The following XPR1 variants were observed in gnomAD, a reference collection of about 807,000 sequenced individuals.
XPR1 encodes xenotropic and polytropic retrovirus receptor 1.
Under a neutral mutation model 87.5 loss-of-function variants are expected in XPR1, and 28 were observed. The observed-to-expected ratio is 0.32, with a 90% CI of 0.24 to 0.44. The LOEUF (loss-of-function observed/expected upper bound fraction) is 0.44, where lower values mean the gene tolerates loss of function less well. Among genes scored for constraint, XPR1 ranks in the 20% least tolerant of loss-of-function variants. XPR1 has a pLI of 1.00. For missense variants in XPR1, 559 were observed against 862.3 expected (o/e 0.65, Z 4.41); for synonymous variants, 300 against 306.1 (o/e 0.98, Z 0.21).
In XPR1 at chr1:180,880,065, A is replaced by C; in HGVS notation, c.1809-11A>C. ...TTTCATAAGTACTTTGATCTACCCC[A>C]TTTTGCTAAGGCGATTTGTGTGGAA... On this transcript the variant is annotated splice_polypyrimidine_tract_variant and intron_variant, in intron 13 of 14. Coordinates refer to ENST00000367590, the MANE Select transcript of XPR1 (RefSeq NM_004736.4). 6.2e-7 allele frequency: 1 copy of C among 1,614,126 alleles called. No homozygotes were observed. The highest frequency in any genetic ancestry group is 8.5e-7 in the Non-Finnish European group (1 of 1,179,990).
At chr1:180,765,081 G>A (rs1326919613) in intron 2 of XPR1, among the ~76,000 whole-genome samples, 2 of 152,098 alleles carry the variant, frequency 1.3e-5, no homozygotes, top group Non-Finnish European at 1.5e-5. Context: ...TACCGCGCTC[G>A]GCCCTTATGG....
At chr1:180,697,508 G>C (rs940401732) in intron 2 of XPR1, among the ~76,000 whole-genome samples, 5 of 151,626 alleles carry the variant, frequency 3.3e-5, no homozygotes, top group African/African-American at 1.2e-4. Context: ...GGTTTGGCTT[G>C]TTCTTGCTTT....
intron 13 of XPR1, among the ~76,000 whole-genome samples, chr1:180,875,005 C>T (rs571311726): frequency 9.9e-5 from 15 of 152,268 alleles, no homozygotes; most frequent in South Asian, 4.1e-4. Flanking sequence ...GAATGACATA[C>T]GTAGAGAACT....
intron 2 of XPR1, among the ~76,000 whole-genome samples, chr1:180,780,680 A>G (rs1268313384): frequency 6.7e-6 from 1 of 148,946 alleles, no homozygotes; most frequent in Non-Finnish European, 1.5e-5. Flanking sequence ...AGGCAGGAGA[A>G]TGGCGTGAAC....
At chr1:180,806,310 C>T in intron 5 of XPR1, 99 bp downstream of exon 5, 1 of 1,531,634 alleles carries the variant, frequency 6.5e-7, no homozygotes, top group Non-Finnish European at 8.9e-7. Flanking sequence ...TAGTTGCTAG[C>T]TTTGAATATA....
At chr1:180,764,993 G>A (rs1326964964) in intron 2 of XPR1, among the ~76,000 whole-genome samples, 1 of 148,894 alleles carries the variant, frequency 6.7e-6, no homozygotes, top group East Asian at 2.0e-4. Context: ...CACTGTTTTA[G>A]CCAGGATGGT....
chr1:180,769,596 T>C (rs1648427316), intron 2 of XPR1, among the ~76,000 whole-genome samples: 1 of 152,150 alleles, frequency 6.6e-6, no homozygotes, highest in East Asian at 1.9e-4. Flanking sequence ...CCATCCATGT[T>C]GTTGCAAATG....
In XPR1 at chr1:180,808,019, AAGGCAGAGGACCT is replaced by A. The variant is rs759058183; in HGVS notation, c.681+1465_681+1477del. ...CTCCAAAAAAAGAAAAGTATATGGA[AAGGCAGAGGACCT>A]AGAATAGCCAAAGCAACTTTGGAAC... On this transcript the variant is annotated intron_variant, in intron 6 of 14. Coordinates refer to ENST00000367590, the MANE Select transcript of XPR1 (RefSeq NM_004736.4). 6.6e-5 allele frequency among the ~76,000 whole-genome samples: 10 copies of A among 152,202 alleles called. No individual in the cohort carries two copies. The South Asian group carries it at 1.0e-3, about 16-fold the overall frequency.
At chr1:180,759,535 G>A (rs894625857) in intron 2 of XPR1, among the ~76,000 whole-genome samples, 3 of 152,074 alleles carry the variant, frequency 2.0e-5, no homozygotes, top group Non-Finnish European at 2.9e-5. Context: ...TAAATTCCTC[G>A]ACACATACAC....
At chr1:180,844,808 C>T (rs1447040444) in intron 11 of XPR1, among the ~76,000 whole-genome samples, 1 of 152,178 alleles carries the variant, frequency 6.6e-6, no homozygotes, top group African/African-American at 2.4e-5. Flanking sequence ...GGGGAAACTT[C>T]ACATGGCACT....
At chr1:180,792,002 G>A (rs1649408145) in intron 3 of XPR1, among the ~76,000 whole-genome samples, 1 of 152,212 alleles carries the variant, frequency 6.6e-6, no homozygotes, top group Non-Finnish European at 1.5e-5. Flanking sequence ...CAAATTGGTA[G>A]TCTCTAGAGT....
chr1:180,661,476 CGTGTGTGT>C (rs60527318), intron 1 of XPR1, among the ~76,000 whole-genome samples: 48,061 of 142,200 alleles, frequency 0.34, 8,233 homozygotes, highest in Non-Finnish European at 0.36. Flanking sequence ...TTTAATTTTT[CGTGTGTGT>C]GTGTGTGTGT....
intron 1 of XPR1, among the ~76,000 whole-genome samples, chr1:180,656,435 TTATATATAAATATTTATATATTTA>T: frequency 1.0e-4 from 1 of 10,030 alleles, no homozygotes; most frequent in Non-Finnish European, 2.5e-4. Flanking sequence ...ATTTATATAT[TTATATATAAATATTTATATATTTA>T]TATATAATAT....
At chr1:180,826,952 A>G (rs561400064) in intron 9 of XPR1, among the ~76,000 whole-genome samples, 1 of 151,896 alleles carries the variant, frequency 6.6e-6, no homozygotes, top group East Asian at 1.9e-4. Context: ...TCCGGAGTTC[A>G]AGACCAGCCT....
chr1:180,866,774 T>C (rs996787689), intron 12 of XPR1, among the ~76,000 whole-genome samples: 9 of 141,860 alleles, frequency 6.3e-5, no homozygotes, highest in Admixed American at 1.4e-4. Flanking sequence ...AATCAAGATA[T>C]AACACTATAC....
At chr1:180,840,220 ACT>A (rs1403299878) in intron 11 of XPR1, among the ~76,000 whole-genome samples, 2 of 84,456 alleles carry the variant, frequency 2.4e-5, no homozygotes, top group Non-Finnish European at 4.5e-5. Flanking sequence ...ACAGAGCGAG[ACT>A]CTGTCTCAAA....
intron 11 of XPR1, among the ~76,000 whole-genome samples, chr1:180,845,207 A>T (rs1533422): frequency 0.34 from 51,486 of 152,006 alleles, 9,098 homozygotes; most frequent in Non-Finnish European, 0.38. Flanking sequence ...GTACGGAGAG[A>T]TGAAAACTCA....
At chr1:180,778,474 G>A (rs3013635) in intron 2 of XPR1, among the ~76,000 whole-genome samples, 151,629 of 152,330 alleles carry the variant, frequency 1, 75,476 homozygotes, top group Middle Eastern at 1. Flanking sequence ...GAGTTTCTCA[G>A]CCTTGATACT....
In XPR1 at chr1:180,799,738, T is replaced by A. The variant is rs182982442; in HGVS notation, c.224-3650T>A. On this transcript the variant is annotated intron_variant, in intron 3 of 14. Coordinates refer to ENST00000367590, the MANE Select transcript of XPR1 (RefSeq NM_004736.4). Reference sequence around the variant, plus strand: ...AGCTGGCCAGTCCCAGGGGTGACTCTGGGGTTCAGTGCTAGTCTCTGCTGC... The same window carrying A: ...AGCTGGCCAGTCCCAGGGGTGACTCAGGGGTTCAGTGCTAGTCTCTGCTGC... Among the ~76,000 whole-genome samples the A allele has an allele frequency of 6.4e-3, 977 of 152,252 alleles. 5 individuals are homozygous for A. The highest frequency in any genetic ancestry group is 0.021 in the African/African-American group (887 of 41,550).
Sources: gnomAD v4.1 joint callset for allele counts (sites outside exome capture counted in the v4.1 genomes callset) on GRCh38, gnomAD v4.1.1 for gene constraint, MANE v1.5 for transcripts, NCBI Gene and HGNC (gene_info 2026-07-23, HGNC 2026-07-21) for gene names.